Variants in TMEM178B observed in about 807,000 individuals in gnomAD.
TMEM178B encodes transmembrane protein 178B.
TMEM178B carries 5 observed loss-of-function variants against 31.0 expected under a neutral mutation model. The ratio of observed to expected loss-of-function variants is 0.16; its 90% CI spans 0.08 to 0.34. TMEM178B has a LOEUF of 0.34. Among genes scored for constraint, TMEM178B ranks in the 10% least tolerant of loss-of-function variants. The pLI is 1.00. For missense variants in TMEM178B, 275 were observed against 400.3 expected (o/e 0.69, Z 2.67); for synonymous variants, 164 against 164.0 (o/e 1.00, Z 0.00).
chr7:141,105,222 A>AAC (rs1180946893), intron 1 of TMEM178B, among the ~76,000 whole-genome samples: 1 of 152,174 alleles, frequency 6.6e-6, no homozygotes, highest in Non-Finnish European at 1.5e-5. Context: ...TAAAAGAGGG[A>AAC]ACATTGGCTG....
intron 1 of TMEM178B, among the ~76,000 whole-genome samples, chr7:141,176,931 T>C (rs1169925380): frequency 6.6e-6 from 1 of 152,212 alleles, no homozygotes; most frequent in Non-Finnish European, 1.5e-5. Flanking sequence ...TTGAAGGGTT[T>C]TTTGTGTCTC....
chr7:141,500,229 T>C, the TMEM178B span, among the ~76,000 whole-genome samples: 11 of 152,142 alleles, frequency 7.2e-5, no homozygotes, highest in Non-Finnish European at 1.3e-4. Context: ...ATACACAAGA[T>C]ACGAGCCCAT....
chr7:141,313,754 G>T (rs1798953450), intron 2 of TMEM178B, among the ~76,000 whole-genome samples: 1 of 134,038 alleles, frequency 7.5e-6, no homozygotes, highest in Admixed American at 7.6e-5. Context: ...CTTCCCGTGG[G>T]CAAACTGGAC....
intron 2 of TMEM178B, among the ~76,000 whole-genome samples, chr7:141,320,584 G>A (rs1036360705): frequency 2.8e-4 from 42 of 152,208 alleles, no homozygotes; most frequent in Middle Eastern, 6.8e-3. Context: ...CACACCTGGA[G>A]GCTCAGGCCC....
At chr7:141,156,609 A>C (rs1796074849) in intron 1 of TMEM178B, among the ~76,000 whole-genome samples, 1 of 152,250 alleles carries the variant, frequency 6.6e-6, no homozygotes, top group African/African-American at 2.4e-5. Context: ...CTCCTGGGAA[A>C]TCAACAGGAA....
chr7:141,506,048 G>C, the TMEM178B span, among the ~76,000 whole-genome samples: 8 of 152,232 alleles, frequency 5.3e-5, no homozygotes, highest in African/African-American at 1.9e-4. Flanking sequence ...TCTCCATCCA[G>C]CATATCACAC....
chr7:141,091,735 G>C (rs1794883898), intron 1 of TMEM178B, among the ~76,000 whole-genome samples: 1 of 152,118 alleles, frequency 6.6e-6, no homozygotes, highest in Non-Finnish European at 1.5e-5. Context: ...AATGTACTTT[G>C]TTAATTTTTA....
chr7:141,334,154 T>C (rs1799343391), intron 2 of TMEM178B, among the ~76,000 whole-genome samples: 1 of 152,220 alleles, frequency 6.6e-6, no homozygotes, highest in Non-Finnish European at 1.5e-5. Context: ...GAAACCAGTA[T>C]TGATTTCTGG....
chr7:141,309,930 T>G (rs1371561834), intron 2 of TMEM178B, among the ~76,000 whole-genome samples: 1 of 152,090 alleles, frequency 6.6e-6, no homozygotes, highest in Non-Finnish European at 1.5e-5. Flanking sequence ...ATACAAAAAT[T>G]AACTCAAGAT....
chr7:141,485,862 C>T, the TMEM178B span, among the ~76,000 whole-genome samples: 1 of 152,212 alleles, frequency 6.6e-6, no homozygotes, highest in African/African-American at 2.4e-5. Flanking sequence ...GTGGCTGGGA[C>T]TGCAGTTGGA....
chr7:141,196,261 T>C (rs1796781843), intron 1 of TMEM178B, among the ~76,000 whole-genome samples: 1 of 152,208 alleles, frequency 6.6e-6, no homozygotes, highest in Non-Finnish European at 1.5e-5. Flanking sequence ...ACTCTTTTTT[T>C]GGATATTTGG....
chr7:141,288,534 A>C (rs1798489372), intron 2 of TMEM178B, among the ~76,000 whole-genome samples: 1 of 151,564 alleles, frequency 6.6e-6, no homozygotes, highest in Admixed American at 6.6e-5. Context: ...AGAAAGAAAA[A>C]CCCTCTTTGA....
chr7:141,430,263 A>G (rs931132108), intron 2 of TMEM178B: 2 of 152,216 alleles, frequency 1.3e-5, no homozygotes, highest in African/African-American at 2.4e-5. Context: ...TCAGGGGCAT[A>G]TCCCAACATG....
At chr7:141,225,347 G>C (rs946254933) in intron 2 of TMEM178B, among the ~76,000 whole-genome samples, 1 of 151,936 alleles carries the variant, frequency 6.6e-6, no homozygotes, top group Non-Finnish European at 1.5e-5. Flanking sequence ...TTGTCCATTT[G>C]TTCAAAAGAA....
At chr7:141,402,149 C>G (rs1394402247) in intron 2 of TMEM178B, among the ~76,000 whole-genome samples, 2 of 152,188 alleles carry the variant, frequency 1.3e-5, no homozygotes, top group Non-Finnish European at 2.9e-5. Context: ...GCTCACTACA[C>G]TAAAAGGCAC....
intron 1 of TMEM178B, among the ~76,000 whole-genome samples, chr7:141,193,647 A>G (rs1024950919): frequency 6.6e-6 from 1 of 152,228 alleles, no homozygotes; most frequent in African/African-American, 2.4e-5. Context: ...GTCAACTTCA[A>G]GGGGACCTGG....
intron 2 of TMEM178B, among the ~76,000 whole-genome samples, chr7:141,403,503 C>T (rs1388653349): frequency 6.6e-6 from 1 of 152,194 alleles, no homozygotes; most frequent in East Asian, 1.9e-4. Flanking sequence ...TTATTATCCA[C>T]CCTCACAAGA....
In TMEM178B at chr7:141,324,106, A is replaced by G. The variant is rs556985343; in HGVS notation, c.496+111402A>G. Among the ~76,000 whole-genome samples, 29 of 152,246 alleles carry G rather than the reference A, an allele frequency of 1.9e-4. No individual in the cohort carries two copies. In the South Asian group the frequency reaches 6.0e-3, roughly 32 times the overall value. ...GAGAGAGCTTAGTGGGAGATGATGT[A>G]AGAAACGTAGGGGGGAAGCAGATCA... On this transcript the variant is annotated intron_variant, in intron 2 of 3. Transcript: ENST00000565468.
chr7:141,283,511 G>A (rs551449558), intron 2 of TMEM178B, among the ~76,000 whole-genome samples: 1 of 152,340 alleles, frequency 6.6e-6, no homozygotes, highest in African/African-American at 2.4e-5. Flanking sequence ...TTGCTTTTAA[G>A]TGTGCATTTC....
Sources: gnomAD v4.1 joint callset for allele counts (sites outside exome capture counted in the v4.1 genomes callset) on GRCh38, gnomAD v4.1.1 for gene constraint, MANE v1.5 for transcripts, NCBI Gene and HGNC (gene_info 2026-07-23, HGNC 2026-07-21) for gene names.